Variants in SLC8B1 observed in about 807,000 individuals in gnomAD.
The protein encoded by SLC8B1 is mitochondrial sodium/calcium exchanger protein.
SLC8B1 carries 52 observed loss-of-function variants against 63.4 expected under a neutral mutation model. The ratio of observed to expected loss-of-function variants is 0.82; its 90% CI spans 0.66 to 1.03. The LOEUF is 1.03. SLC8B1 is among the 50% of genes least tolerant of loss of function. The pLI, the probability that SLC8B1 is intolerant of heterozygous loss-of-function variation, is 0.00. For synonymous variants in SLC8B1, 336 were observed against 323.9 expected (o/e 1.04, Z -0.40); for missense variants, 657 against 741.7 (o/e 0.89, Z 1.33).
chr12:113,315,603 A>G, intron 10 of SLC8B1, 127 bp from the exon 11 acceptor site: 2 of 1,192,862 alleles, frequency 1.7e-6, no homozygotes, highest in Admixed American at 3.0e-5. Context: ...TGCGGGTTCC[A>G]GGCTAAGTGC....
At position 113,321,225 on chromosome 12, in the gene SLC8B1, T is replaced by C. The variant is rs754992099; in HGVS notation, c.280A>G (p.Ser94Gly). ...LEGIFCHFPP[S>G]LLPLAVTLYV... ...AGAGTGACAGCCAGAGGGAGGAGGC[T>C]GGGAGGGAAGTGGCAGAAGATGCCT... The change falls in exon 3 of 16, where the codon AGC becomes GGC. Residue 94 changes from serine to glycine, a missense_variant. Ser to Gly is a moderately conservative substitution (Grantham distance 56). Transcript: ENST00000680972. 5 of 1,614,102 alleles carry C rather than the reference T, an allele frequency of 3.1e-6. No homozygotes were observed. Among genetic ancestry groups the C allele is most frequent in the Non-Finnish European group, 4.2e-6 (5 of 1,180,002 alleles).
At chr12:113,326,683 C>CT (rs561363613) in intron 2 of SLC8B1, among the ~76,000 whole-genome samples, 1,885 of 144,692 alleles carry the variant, frequency 0.013, 33 homozygotes, top group African/African-American at 0.04. Context: ...CTTTCTCTCT[C>CT]TTTTTTTTTT....
At position 113,310,228 on chromosome 12, in the gene SLC8B1, T is replaced by C; in HGVS notation, c.1257+6A>G. The C allele has an allele frequency of 6.2e-7, 1 of 1,613,182 alleles. No homozygotes were observed. Among genetic ancestry groups the C allele is most frequent in the South Asian group, 1.1e-5 (1 of 91,014 alleles). ...CCCCCCATCTCGGAGAACCCGGGCT[T>C]CTTACCCAGTGAAGCCTGGGGGGCT... On this transcript the variant is annotated splice_donor_region_variant and intron_variant, in intron 12 of 15. Coordinates refer to ENST00000680972, the MANE Select transcript of SLC8B1 (RefSeq NM_001358345.2).
intron 8 of SLC8B1, among the ~76,000 whole-genome samples, chr12:113,317,992 A>G (rs1450729779): frequency 6.6e-6 from 1 of 150,980 alleles, no homozygotes; most frequent in Non-Finnish European, 1.5e-5. Context: ...GTGTTGTGTG[A>G]GCATGTATTT....
intron 8 of SLC8B1, among the ~76,000 whole-genome samples, chr12:113,318,657 C>T (rs1387387065): frequency 6.6e-6 from 1 of 152,120 alleles, no homozygotes; most frequent in Non-Finnish European, 1.5e-5. Context: ...GTCACGGCAG[C>T]GTTTGTGTTT....
intron 10 of SLC8B1, 57 bp downstream of exon 10, chr12:113,316,469 T>A: frequency 6.3e-7 from 1 of 1,588,938 alleles, no homozygotes; most frequent in Non-Finnish European, 8.6e-7. Flanking sequence ...GAGGGTAGCG[T>A]GGCCACTGTC....
At chr12:113,315,573 T>C (rs1013902203) in intron 10 of SLC8B1, 97 bp from the exon 11 acceptor site, 20 of 1,377,296 alleles carry the variant, frequency 1.5e-5, no homozygotes, top group Admixed American at 2.7e-5. Flanking sequence ...CGGCCGTTCA[T>C]TGCTGAAGCA....
chr12:113,310,795 T>C (rs115199151), intron 11 of SLC8B1, among the ~76,000 whole-genome samples: 2,313 of 152,252 alleles, frequency 0.015, 61 homozygotes, highest in African/African-American at 0.053. Flanking sequence ...CCACTCTCCA[T>C]TAACAAATAT....
chr12:113,312,389 A>C lies in SLC8B1; in HGVS notation c.1136-2034T>G, dbSNP rs188293626. 2.0e-3 allele frequency among the ~76,000 whole-genome samples: 299 copies of C among 152,312 alleles called. 1 individual carries two copies. The highest frequency in any genetic ancestry group is 3.6e-3 in the Non-Finnish European group (243 of 68,026). On this transcript the variant is annotated intron_variant, in intron 11 of 15. Transcript: ENST00000680972. The stretch of plus-strand genomic sequence containing the variant: ...GCAGCGAGTACAGTGGGCCAAGATC[A>C]CACCACTGAGCAATGACAGCCATGG...
intron 11 of SLC8B1, among the ~76,000 whole-genome samples, 189 bp downstream of exon 11, chr12:113,315,146 C>T (rs1168283259): frequency 1.3e-5 from 2 of 152,150 alleles, no homozygotes; most frequent in African/African-American, 2.4e-5. Context: ...ATTAGCTGGG[C>T]GTGGTAGTGC....
rs1956540809 is a variant in SLC8B1, at chr12:113,299,601, C to G, written c.*176G>C. On this transcript the variant is annotated 3_prime_UTR_variant, in exon 16 of 16. Coordinates refer to ENST00000680972, the MANE Select transcript of SLC8B1 (RefSeq NM_001358345.2). Reference sequence around the variant, plus strand: ...CGGCAAGGCTGTTGGGTGCTGGCAGCAAGAGGTACACAGCAGTTCTCCCAG... The same window carrying G: ...CGGCAAGGCTGTTGGGTGCTGGCAGGAAGAGGTACACAGCAGTTCTCCCAG... The G allele has an allele frequency of 3.1e-6, 2 of 635,758 alleles. No homozygotes were observed. Among genetic ancestry groups the G allele is most frequent in the African/African-American group, 3.7e-5 (2 of 54,618 alleles). The allele number at this position is 635,758 out of a possible 1,614,324, so 39.4% of individuals were successfully genotyped here.
chr12:113,318,993 G>T lies in SLC8B1; in HGVS notation c.773C>A (p.Ser258Tyr), dbSNP rs141186088. The T allele has an allele frequency of 2.5e-5, 41 of 1,613,940 alleles. No homozygotes were observed. Among genetic ancestry groups the T allele is most frequent in the Non-Finnish European group, 3.4e-5 (40 of 1,179,962 alleles). ...TWIYQRQRRGSLFCPMPVTPE... is the reference protein window; with the variant it reads ...TWIYQRQRRGYLFCPMPVTPE... Reference sequence around the variant, plus strand: ...AGTAACTGGCATGGGGCAGAACAGAGATCCTCTCCGTTGCCGTTGGTAGAT... The same window carrying T: ...AGTAACTGGCATGGGGCAGAACAGATATCCTCTCCGTTGCCGTTGGTAGAT... Residue 258 changes from serine to tyrosine, a missense_variant, in exon 8 of 16, where the codon TCT becomes TAT. Transcript: ENST00000680972.
chr12:113,322,605 G>C (rs1956945530), intron 2 of SLC8B1, among the ~76,000 whole-genome samples: 1 of 152,154 alleles, frequency 6.6e-6, no homozygotes, highest in South Asian at 2.1e-4. Context: ...GACAAAGATT[G>C]AGATGGACAT....
At chr12:113,328,638 T>C (rs984054167) in intron 2 of SLC8B1, among the ~76,000 whole-genome samples, 1 of 152,166 alleles carries the variant, frequency 6.6e-6, no homozygotes, top group Non-Finnish European at 1.5e-5. Context: ...GCCACGATTA[T>C]TTTTCCTCTA....
At chr12:113,329,028 G>C (rs1566245711) in intron 2 of SLC8B1, among the ~76,000 whole-genome samples, 1 of 152,120 alleles carries the variant, frequency 6.6e-6, no homozygotes, top group African/African-American at 2.4e-5. Flanking sequence ...TGGGATTACA[G>C]GTGTGAGCCA....
Position 113,305,220 on chromosome 12 carries a change from G to A in SLC8B1, c.1493-835C>T, listed in dbSNP as rs1313553408. Among the ~76,000 whole-genome samples the A allele has an allele frequency of 6.6e-6, 1 of 152,230 alleles. No individual in the cohort carries two copies. Among genetic ancestry groups the A allele is most frequent in the Admixed American group, 6.5e-5 (1 of 15,284 alleles). Reference sequence around the variant, plus strand: ...GGCTCCCTCCTTCCCAGCCAACCTGGGAGGTCAGGCGAGGCTGCAGCCCGA... The same window carrying A: ...GGCTCCCTCCTTCCCAGCCAACCTGAGAGGTCAGGCGAGGCTGCAGCCCGA... On this transcript the variant is annotated intron_variant, in intron 14 of 15. Coordinates refer to ENST00000680972, the MANE Select transcript of SLC8B1 (RefSeq NM_001358345.2). This position sits in a 1 kb window ranked among gnomAD's most constrained non-coding sequence, Gnocchi z 4.3.
intron 12 of SLC8B1, chr12:113,308,821 A>T (rs1956714777): frequency 6.6e-6 from 1 of 152,346 alleles, no homozygotes; most frequent in Non-Finnish European, 1.5e-5. Flanking sequence ...CTAAAATTTT[A>T]AAAAATCATT....
intron 10 of SLC8B1, 67 bp from the exon 11 acceptor site, chr12:113,315,543 A>G (rs1326301309): frequency 6.1e-5 from 90 of 1,465,368 alleles, no homozygotes; most frequent in Non-Finnish European, 7.5e-5. Context: ...CCACAGATGG[A>G]CTTCAGTGAC....
chr12:113,307,854 G>C lies in SLC8B1; in HGVS notation c.1258-10C>G. The C allele has an allele frequency of 6.2e-7, 1 of 1,610,036 alleles. No individual in the cohort carries two copies. The highest frequency in any genetic ancestry group is 8.5e-7 in the Non-Finnish European group (1 of 1,179,644). On this transcript the variant is annotated splice_polypyrimidine_tract_variant and intron_variant, in intron 12 of 15. Coordinates refer to ENST00000680972, the MANE Select transcript of SLC8B1 (RefSeq NM_001358345.2). ...CCAGGAAAGCAAAGAGCTGCGGAGG[G>C]AATGGTTTGCTGTGGGACCAAGGCC...
Sources: allele counts gnomAD v4.1 joint callset (sites outside exome capture counted in the v4.1 genomes callset), GRCh38; gene constraint gnomAD v4.1.1; non-coding constraint Gnocchi (gnomAD v3.1); transcripts MANE v1.5; gene names NCBI Gene and HGNC (gene_info 2026-07-23, HGNC 2026-07-21).